DOCK2: variants seen among roughly 807,000 people sequenced by gnomAD.
DOCK2 encodes dedicator of cytokinesis protein 2.
A neutral mutation model predicts 248.9 loss-of-function variants in DOCK2; 87 were observed. The ratio of observed to expected loss-of-function variants is 0.35; its 90% confidence interval spans 0.29 to 0.42. The LOEUF (loss-of-function observed/expected upper bound fraction) is 0.42. Among genes scored for constraint, DOCK2 ranks in the 10% least tolerant of loss-of-function variants. The pLI is 1.00. For synonymous variants in DOCK2, 805 were observed against 821.6 expected (o/e 0.98, Z 0.35); for missense variants, 1,747 against 2,300.2 (o/e 0.76, Z 4.92).
At chr5:169,939,779 G>A (rs970563153) in intron 27 of DOCK2, among the ~76,000 whole-genome samples, 1 of 152,006 alleles carries the variant, frequency 6.6e-6, no homozygotes, top group Non-Finnish European at 1.5e-5. Flanking sequence ...TCTATATTAA[G>A]GTCCCTAAAA....
intron 27 of DOCK2, among the ~76,000 whole-genome samples, chr5:169,976,063 T>C (rs1354510333): frequency 6.6e-6 from 1 of 152,238 alleles, no homozygotes; most frequent in Non-Finnish European, 1.5e-5. Context: ...TCAGCTTTTA[T>C]GGAGGGGGTG....
rs1758083271 is a variant in DOCK2 at position 170,082,862 on chromosome 5, G to A, written c.*4G>A. Reference sequence around the variant, plus strand: ...CTCGCTGTCCACGGACCTGTGAGCTGCTGCTGACTAGGGCTGCATGGGAGA... The same window carrying A: ...CTCGCTGTCCACGGACCTGTGAGCTACTGCTGACTAGGGCTGCATGGGAGA... On this transcript the variant is annotated 3_prime_UTR_variant, in exon 52 of 52. Coordinates refer to ENST00000520908, the MANE Select transcript of DOCK2 (RefSeq NM_004946.3). 1 of 1,614,202 alleles carries A rather than the reference G, an allele frequency of 6.2e-7. No individual in the cohort carries two copies. Among genetic ancestry groups the A allele is most frequent in the South Asian group, 1.1e-5 (1 of 91,088 alleles).
chr5:169,929,775 A>AGAGAG (rs1561832412), intron 27 of DOCK2, among the ~76,000 whole-genome samples: 1 of 148,482 alleles, frequency 6.7e-6, no homozygotes, highest in African/African-American at 2.5e-5. Context: ...GAGAGAGAGA[A>AGAGAG]AGAAGCTATC....
At chr5:170,073,792 T>C (rs1757754388) in intron 46 of DOCK2, among the ~76,000 whole-genome samples, 2 of 152,332 alleles carry the variant, frequency 1.3e-5, no homozygotes, top group South Asian at 4.1e-4. Context: ...CTTGTAATTA[T>C]GTTTTTCAAT....
At chr5:169,822,905 C>A (rs916640653) in intron 26 of DOCK2, among the ~76,000 whole-genome samples, 6 of 152,074 alleles carry the variant, frequency 3.9e-5, no homozygotes, top group African/African-American at 1.4e-4. Flanking sequence ...AGGGAAGAAT[C>A]CAATAGACAC....
At chr5:169,864,963 G>A (rs114498491) in intron 27 of DOCK2, among the ~76,000 whole-genome samples, 28 of 152,280 alleles carry the variant, frequency 1.8e-4, no homozygotes, top group Middle Eastern at 3.4e-3. Context: ...AGTGCCTGGC[G>A]TGCGCTAAGT....
At chr5:169,670,367 G>A (rs1413992499) in intron 3 of DOCK2, among the ~76,000 whole-genome samples, 175 bp from the exon 4 acceptor site, 1 of 152,192 alleles carries the variant, frequency 6.6e-6, no homozygotes, top group African/African-American at 2.4e-5. Context: ...ATCTAAACAA[G>A]TAGATTTAGA....
intron 29 of DOCK2, among the ~76,000 whole-genome samples, chr5:169,992,960 G>A (rs1581511589): frequency 6.6e-6 from 1 of 152,176 alleles, no homozygotes; most frequent in East Asian, 1.9e-4. Flanking sequence ...TCAATTCGCG[G>A]TCATTAGGCT....
chr5:169,836,716 C>G (rs1409452348), intron 26 of DOCK2, among the ~76,000 whole-genome samples: 1 of 152,018 alleles, frequency 6.6e-6, no homozygotes, highest in Non-Finnish European at 1.5e-5. Context: ...CTGCTCTGAC[C>G]TGAAGATTTT....
At chr5:169,919,611 G>A (rs990071888) in intron 27 of DOCK2, among the ~76,000 whole-genome samples, 62 of 152,310 alleles carry the variant, frequency 4.1e-4, no homozygotes, top group African/African-American at 1.5e-3. Context: ...TGTATGGTGA[G>A]AAGGGTTTCC....
At chr5:170,023,091 C>T (rs1449374935) in intron 33 of DOCK2, among the ~76,000 whole-genome samples, 1 of 152,042 alleles carries the variant, frequency 6.6e-6, no homozygotes, top group South Asian at 2.1e-4. Flanking sequence ...AGTGGGAGTC[C>T]TGGGGTATAG....
intron 50 of DOCK2, 167 bp downstream of exon 50, chr5:170,080,450 C>T (rs1230368310): frequency 9.5e-7 from 1 of 1,056,012 alleles, no homozygotes; most frequent in Non-Finnish European, 1.3e-6. Context: ...TCCCCACACC[C>T]ACCACTTCCT....
intron 27 of DOCK2, among the ~76,000 whole-genome samples, chr5:169,853,106 T>C (rs1770699029): frequency 1.3e-5 from 2 of 152,258 alleles, no homozygotes; most frequent in Admixed American, 1.3e-4. Flanking sequence ...ATCTGATGGC[T>C]TTAAAAAGGG....
At chr5:169,807,082 G>C (rs914542336) in intron 26 of DOCK2, among the ~76,000 whole-genome samples, 2 of 152,082 alleles carry the variant, frequency 1.3e-5, no homozygotes, top group Non-Finnish European at 2.9e-5. Flanking sequence ...TCCCCGGCTT[G>C]CAAAGCGACT....
intron 26 of DOCK2, among the ~76,000 whole-genome samples, chr5:169,806,728 C>A (rs1767387073): frequency 6.6e-6 from 1 of 152,126 alleles, no homozygotes; most frequent in Admixed American, 6.5e-5. Flanking sequence ...TGCGTACTAA[C>A]AAACAAATCG....
rs10636919 is a variant in DOCK2, at chr5:169,764,844, TTTGTTGTTG to T, written c.2554+3240_2554+3248del. ...GCTCTCCATTCTGACTTTGAACGTG[TTTGTTGTTG>T]TTGTTGTTGTTGTTGTTGTTTTCAA... On this transcript the variant is annotated intron_variant, in intron 25 of 51. Transcript: ENST00000520908. The surrounding 1 kb of genome is among the most constrained non-coding windows in gnomAD (Gnocchi z 4.3). Among the ~76,000 whole-genome samples, 7 of 151,068 alleles carry T rather than the reference TTTGTTGTTG, an allele frequency of 4.6e-5. No homozygotes were observed. The highest frequency in any genetic ancestry group is 1.2e-4 in the African/African-American group (5 of 40,950).
Position 169,711,553 on chromosome 5 carries a change from C to A in DOCK2, c.1483-382C>A, listed in dbSNP as rs187435097. Among the ~76,000 whole-genome samples, 23 of 152,292 alleles carry A rather than the reference C, an allele frequency of 1.5e-4. No homozygotes were observed. The East Asian group carries it at 4.4e-3, about 29-fold the overall frequency. ...AACAACCATTGTTAATTTGCTAAGC[C>A]CTGCTGCAATTGCCAGAACTCCTGG... On this transcript the variant is annotated intron_variant, in intron 15 of 51. Coordinates refer to ENST00000520908, the MANE Select transcript of DOCK2 (RefSeq NM_004946.3).
chr5:169,728,002 T>G (rs1762577045), intron 22 of DOCK2, among the ~76,000 whole-genome samples: 1 of 152,136 alleles, frequency 6.6e-6, no homozygotes, highest in East Asian at 1.9e-4. Context: ...CAAGAGCTCT[T>G]GAACTAAGGT....
At chr5:170,048,481 T>C (rs371492846) in intron 40 of DOCK2, among the ~76,000 whole-genome samples, 62 of 152,324 alleles carry the variant, frequency 4.1e-4, no homozygotes, top group African/African-American at 1.4e-3. Flanking sequence ...GAAAAATAGC[T>C]CTATTTTCCA....
Sources: allele counts gnomAD v4.1 joint callset (sites outside exome capture counted in the v4.1 genomes callset), GRCh38; gene constraint gnomAD v4.1.1; non-coding constraint Gnocchi (gnomAD v3.1); transcripts MANE v1.5; gene names NCBI Gene and HGNC (gene_info 2026-07-23, HGNC 2026-07-21).